Variants in AK8 observed in about 807,000 individuals in gnomAD.
AK8 encodes adenylate kinase 8, also known as ATP-AMP transphosphorylase 8.
In AK8, 44 loss-of-function variants were observed where a neutral mutation model predicts 54.6. The ratio of observed to expected loss-of-function variants is 0.81; its 90% CI spans 0.63 to 1.04. AK8 has a LOEUF of 1.04. Ranked by LOEUF, AK8 falls within the 50% of genes least tolerant of loss-of-function variation. AK8 has a pLI of 0.00. For missense variants in AK8, 555 were observed against 613.6 expected, an observed-to-expected ratio of 0.90 and a Z score of 1.01; for synonymous variants, 239 against 245.6, an observed-to-expected ratio of 0.97 and a Z score of 0.25.
intron 5 of AK8, among the ~76,000 whole-genome samples, chr9:132,853,060 T>C (rs1843031259): frequency 6.6e-6 from 1 of 151,422 alleles, no homozygotes. Context: ...ATTATACTAG[T>C]GAAACCTAAA....
Position 132,800,531 on chromosome 9 carries a change from A to C in AK8, c.980-7756T>G, listed in dbSNP as rs191420657. On this transcript the variant is annotated intron_variant, in intron 10 of 12. Transcript: ENST00000298545. The stretch of plus-strand genomic sequence containing the variant: ...AGTCAATTGCCCCAGACAAACCCCC[A>C]TCTGGCCGGGCCTTGGTTCCCCAAG... Among the ~76,000 whole-genome samples, 7 of 152,258 alleles carry C rather than the reference A, an allele frequency of 4.6e-5. No individual in the cohort carries two copies. The South Asian group carries it at 1.2e-3, about 27-fold the overall frequency.
Position 132,878,064 on chromosome 9 carries a change from TG to T in AK8, c.84+107del. The T allele has an allele frequency of 6.5e-7, 1 of 1,536,356 alleles. No individual in the cohort carries two copies. The highest frequency in any genetic ancestry group is 8.8e-7 in the Non-Finnish European group (1 of 1,136,480). ...GTACATCCCGAGTTGGGCTGCTTCGTGGGCGCGCGACTCGGCCCCAGCTGCG... is the reference window on the plus strand; with the variant it reads ...GTACATCCCGAGTTGGGCTGCTTCGTGGCGCGCGACTCGGCCCCAGCTGCG... On this transcript the variant is annotated intron_variant, in intron 1 of 12. Transcript: ENST00000298545. The surrounding 1 kb of genome is among the most constrained non-coding windows in gnomAD (Gnocchi z 4.7).
intron 11 of AK8, among the ~76,000 whole-genome samples, chr9:132,792,173 T>C (rs1414182763): frequency 6.6e-6 from 1 of 152,162 alleles, no homozygotes; most frequent in Admixed American, 6.5e-5. Flanking sequence ...AGCTCTCAAG[T>C]TCAAACTAGT....
intron 11 of AK8, among the ~76,000 whole-genome samples, chr9:132,742,775 C>G (rs146985212): frequency 6.6e-6 from 1 of 152,218 alleles, no homozygotes; most frequent in Non-Finnish European, 1.5e-5. Context: ...ACAGAACCCA[C>G]GTGGGCCCAC....
intron 11 of AK8, among the ~76,000 whole-genome samples, chr9:132,761,416 C>T (rs1838466874): frequency 6.6e-6 from 1 of 152,038 alleles, no homozygotes; most frequent in Admixed American, 6.6e-5. Context: ...GCATGTGCCA[C>T]CATGCTCGGC....
At chr9:132,744,575 T>C (rs993400427) in intron 11 of AK8, among the ~76,000 whole-genome samples, 1 of 152,212 alleles carries the variant, frequency 6.6e-6, no homozygotes, top group Non-Finnish European at 1.5e-5. Context: ...TTTAGCCCTC[T>C]AATCTAATAG....
chr9:132,870,498 T>C lies in AK8; in HGVS notation c.170-3545A>G, dbSNP rs201168819. On this transcript the variant is annotated intron_variant, in intron 2 of 12. Coordinates refer to ENST00000298545, the MANE Select transcript of AK8 (RefSeq NM_152572.3). ...TTGGAGCTCTAATACACAGCTTTCTTGGACAAACGTTTGATAAAAAACGAA... is the reference window on the plus strand; with the variant it reads ...TTGGAGCTCTAATACACAGCTTTCTCGGACAAACGTTTGATAAAAAACGAA... Among the ~76,000 whole-genome samples the C allele has an allele frequency of 7.2e-5, 11 of 152,190 alleles. No individual in the cohort carries two copies. The East Asian group carries it at 7.7e-4, about 11-fold the overall frequency.
chr9:132,734,633 G>A (rs1410954278), intron 11 of AK8, among the ~76,000 whole-genome samples: 2 of 152,180 alleles, frequency 1.3e-5, no homozygotes, highest in East Asian at 3.8e-4. Context: ...CTACTTGGGA[G>A]GCTGAGGTGG....
chr9:132,815,475 C>T (rs777580590), intron 9 of AK8, among the ~76,000 whole-genome samples: 2 of 152,090 alleles, frequency 1.3e-5, no homozygotes, highest in African/African-American at 4.8e-5. Flanking sequence ...ATCACTTGAA[C>T]CTGGGAGGTG....
At chr9:132,867,842 G>A (rs2131425768) in intron 2 of AK8, among the ~76,000 whole-genome samples, 1 of 152,374 alleles carries the variant, frequency 6.6e-6, no homozygotes, top group East Asian at 1.9e-4. Flanking sequence ...TGGCTTTGGG[G>A]ACAAGTGGTC....
At chr9:132,833,024 A>G (rs1588186825) in intron 5 of AK8, among the ~76,000 whole-genome samples, 2 of 152,008 alleles carry the variant, frequency 1.3e-5, no homozygotes, top group South Asian at 4.2e-4. Context: ...CATTAGAGCC[A>G]CCCCCCACTG....
intron 11 of AK8, among the ~76,000 whole-genome samples, chr9:132,763,784 C>A (rs1838594749): frequency 6.6e-6 from 1 of 152,188 alleles, no homozygotes; most frequent in Non-Finnish European, 1.5e-5. Context: ...TTGTTCTTTG[C>A]TTAATTAAAG....
Position 132,821,690 on chromosome 9 carries a change from T to C in AK8, c.889+1515A>G, listed in dbSNP as rs1841617738. Among the ~76,000 whole-genome samples the C allele has an allele frequency of 2.0e-5, 3 of 150,658 alleles. No homozygotes were observed. In the South Asian group the frequency reaches 6.2e-4, roughly 31 times the overall value. ...TGGTATATACATATATTTGTATGCA[T>C]ATACATATATATACACGTACATTTG... On this transcript the variant is annotated intron_variant, in intron 9 of 12. Transcript: ENST00000298545.
At chr9:132,801,964 TAGG>T (rs1256047704) in intron 10 of AK8, among the ~76,000 whole-genome samples, 1 of 152,232 alleles carries the variant, frequency 6.6e-6, no homozygotes, top group Non-Finnish European at 1.5e-5. Flanking sequence ...ACCTGACTTT[TAGG>T]AGGACGAGCA....
chr9:132,792,895 T>A, intron 10 of AK8, 120 bp from the exon 11 acceptor site: 1 of 1,237,862 alleles, frequency 8.1e-7, no homozygotes, highest in Admixed American at 2.9e-5. Flanking sequence ...TGGAGCCACT[T>A]GGAACCACTT....
At chr9:132,850,053 CA>C (rs1303792465) in intron 5 of AK8, among the ~76,000 whole-genome samples, 24 of 131,268 alleles carry the variant, frequency 1.8e-4, no homozygotes, top group East Asian at 6.8e-4. Flanking sequence ...AACCCTAGTA[CA>C]TTTTTTTTTT....
At chr9:132,827,672 G>T (rs940348128) in intron 7 of AK8, among the ~76,000 whole-genome samples, 5 of 152,196 alleles carry the variant, frequency 3.3e-5, no homozygotes, top group Non-Finnish European at 5.9e-5. Context: ...AGAATAAGGG[G>T]TGTCAAGGGG....
At chr9:132,847,022 C>T (rs1333526278) in intron 5 of AK8, among the ~76,000 whole-genome samples, 2 of 152,248 alleles carry the variant, frequency 1.3e-5, no homozygotes, top group African/African-American at 4.8e-5. Flanking sequence ...AGGCTCTGGG[C>T]CTGCCTGCTC....
intron 11 of AK8, among the ~76,000 whole-genome samples, chr9:132,738,210 C>G (rs1837208221): frequency 6.6e-6 from 1 of 152,056 alleles, no homozygotes; most frequent in Admixed American, 6.6e-5. Flanking sequence ...TGTGCCACCA[C>G]GCCCGGCTAA....
Sources: gnomAD v4.1 joint callset for allele counts (sites outside exome capture counted in the v4.1 genomes callset) on GRCh38, gnomAD v4.1.1 for gene constraint, Gnocchi (gnomAD v3.1) non-coding constraint, MANE v1.5 for transcripts, NCBI Gene and HGNC (gene_info 2026-07-23, HGNC 2026-07-21) for gene names.